COL18A1: variants seen among roughly 807,000 people sequenced by gnomAD.
The protein encoded by COL18A1 is collagen alpha-1(XVIII) chain.
A neutral mutation model predicts 168.0 loss-of-function variants in COL18A1; 133 were observed. The observed-to-expected ratio is 0.79, with a 90% CI of 0.69 to 0.91. The LOEUF (loss-of-function observed/expected upper bound fraction) is 0.91, where lower values mean the gene tolerates loss of function less well. Among genes scored for constraint, COL18A1 ranks in the 40% least tolerant of loss-of-function variants. COL18A1 has a pLI of 0.00. For synonymous variants in COL18A1, 949 were observed against 809.0 expected, an observed-to-expected ratio of 1.17 and a Z score of -2.94; for missense variants, 2,126 against 1,925.4, an observed-to-expected ratio of 1.10 and a Z score of -1.95.
chr21:45,465,435 G>A (rs758081854), intron 2 of COL18A1, among the ~76,000 whole-genome samples: 36 of 152,180 alleles, frequency 2.4e-4, no homozygotes, highest in Non-Finnish European at 4.6e-4. Flanking sequence ...TTCTGAGGCC[G>A]TTTTTCTTTG....
rs188894488 is a variant in COL18A1, at chr21:45,504,173, G to A, written c.2727+119G>A. ...CCCCTTCCTGTTCAGCCCTGCGAGG[G>A]GCGCTGGCTCCAGAGGGTGTCGAGG... On this transcript the variant is annotated intron_variant, in intron 33 of 41. Transcript: ENST00000651438. 1,144 of 1,222,954 alleles carry A rather than the reference G, an allele frequency of 9.4e-4. 1 individual carries two copies. The highest frequency in any genetic ancestry group is 4.1e-3 in the Middle Eastern group (16 of 3,856). 75.8% of individuals were successfully genotyped at this position (1,222,954 alleles called of 1,614,324 possible). A position where few individuals can be genotyped will look rare whatever the true frequency, so the allele number is the denominator to read the frequency against.
chr21:45,497,918 C>T, intron 32 of COL18A1: 1 of 607,806 alleles, frequency 1.6e-6, no homozygotes, highest in African/African-American at 1.8e-5. Context: ...GGCTGCCCTT[C>T]CATGCTAGAC....
intron 32 of COL18A1, among the ~76,000 whole-genome samples, chr21:45,503,684 C>T (rs1439554343): frequency 6.6e-6 from 1 of 150,546 alleles, no homozygotes; most frequent in Admixed American, 6.6e-5. Context: ...ATACCTAATG[C>T]TAGATGACGA....
At chr21:45,461,016 C>T (rs979491936) in intron 2 of COL18A1, among the ~76,000 whole-genome samples, 1 of 152,188 alleles carries the variant, frequency 6.6e-6, no homozygotes, top group Non-Finnish European at 1.5e-5. Context: ...TATCTAAGGT[C>T]AAGCTAGTGG....
chr21:45,500,197 AGTGT>A (rs1258202099), intron 32 of COL18A1, among the ~76,000 whole-genome samples: 192 of 27,598 alleles, frequency 7.0e-3, no homozygotes, highest in African/African-American at 0.032. Context: ...GTGTGTGTGG[AGTGT>A]GTGTGGCTGG....
intron 32 of COL18A1, 88 bp from the exon 33 acceptor site, chr21:45,503,923 G>A: frequency 6.8e-7 from 1 of 1,470,518 alleles, no homozygotes; most frequent in South Asian, 1.1e-5. Flanking sequence ...AGGGCCTCAG[G>A]CAAACCCACC....
Position 45,495,338 on chromosome 21 carries a change from C to A in COL18A1, c.2434-20C>A, listed in dbSNP as rs1341631094. The A allele has an allele frequency of 3.1e-6, 5 of 1,592,650 alleles. No individual in the cohort carries two copies. The highest frequency in any genetic ancestry group is 3.4e-5 in the Admixed American group (2 of 58,334). On this transcript the variant is annotated intron_variant, in intron 28 of 41. Transcript: ENST00000651438. ...AATCATCAGTGCCCAGCAGTCCCCA[C>A]CCCCTGTGCTCCGCCCCAGGGTCGC...
intron 14 of COL18A1, chr21:45,482,363 G>A (rs377457696): frequency 3.2e-5 from 21 of 666,068 alleles, no homozygotes; most frequent in African/African-American, 1.4e-4. Flanking sequence ...GGCCCCAGGC[G>A]TTTGTGGGTG....
chr21:45,405,425 G>C lies in COL18A1; in HGVS notation c.58G>C (p.Ala20Pro). 7.3e-7 allele frequency: 1 copy of C among 1,363,028 alleles called. No homozygotes were observed. Among genetic ancestry groups the C allele is most frequent in the Non-Finnish European group, 9.5e-7 (1 of 1,050,086 alleles). The allele number at this position is 1,363,028 out of a possible 1,614,324, so 84.4% of individuals were successfully genotyped here. ...PRRRRLLDVL[A>P]PLVLLLGVRA... ...GCGGCGGCGCCTCCTGGACGTGCTC[G>C]CGCCCCTGGTCCTGCTGCTCGGGGT... The change falls in exon 2 of 42, where the codon GCG (alanine) becomes CCG (proline). Residue 20 changes from alanine (A) to proline (P), a missense_variant. Physicochemically the swap from Ala to Pro is conservative, Grantham distance 27. Transcript: ENST00000651438.
At chr21:45,489,605 G>GA in intron 19 of COL18A1, 84 bp downstream of exon 19, 1 of 896,534 alleles carries the variant, frequency 1.1e-6, no homozygotes. Context: ...TCAGCTCGGG[G>GA]CGGCCTTCCC....
rs762688974 is a variant in COL18A1, at chr21:45,468,626, A to C, written c.491A>C (p.His164Pro). The C allele has an allele frequency of 1.2e-6, 2 of 1,614,030 alleles. No homozygotes were observed. The highest frequency in any genetic ancestry group is 1.1e-5 in the South Asian group (1 of 91,090). ...RLPAFVGQWTHLALSVAGGFV... is the reference protein window; with the variant it reads ...RLPAFVGQWTPLALSVAGGFV... Reference sequence around the variant, plus strand: ...CCCGCCTTCGTCGGCCAGTGGACACACTTAGCCCTCAGTGTGGCAGGTGGC... The same window carrying C: ...CCCGCCTTCGTCGGCCAGTGGACACCCTTAGCCCTCAGTGTGGCAGGTGGC... The change falls in exon 3 of 42, where the codon CAC becomes CCC. Residue 164 changes from histidine (H) to proline (P), a missense_variant. Physicochemically the swap from His to Pro is moderately conservative, Grantham distance 77 (BLOSUM62 -2). Transcript: ENST00000651438.
chr21:45,468,890 C>A, intron 3 of COL18A1, 104 bp downstream of exon 3: 1 of 1,219,134 alleles, frequency 8.2e-7, no homozygotes, highest in Non-Finnish European at 1.1e-6. Flanking sequence ...AAGAGGAGAG[C>A]CCCCACCCCA....
In COL18A1 at chr21:45,497,760, C is replaced by G. The variant is rs763130911; in HGVS notation, c.2683+99C>G. The G allele has an allele frequency of 1.1e-4, 165 of 1,497,530 alleles. 1 individual carries two copies. Among genetic ancestry groups the G allele is most frequent in the African/African-American group, 4.0e-4 (29 of 72,078 alleles). 92.8% of individuals were successfully genotyped at this position (1,497,530 alleles called of 1,614,324 possible). The stretch of plus-strand genomic sequence containing the variant: ...CGCCACCACAAGCAGGTCCTGGACC[C>G]TCACTGGGTGGTGACCACCTCACCC... On this transcript the variant is annotated intron_variant, in intron 32 of 41. Transcript: ENST00000651438.
At chr21:45,458,936 CTG>C (rs2034945169) in intron 2 of COL18A1, among the ~76,000 whole-genome samples, 1 of 152,202 alleles carries the variant, frequency 6.6e-6, no homozygotes, top group South Asian at 2.1e-4. Context: ...CCGAGTGGGG[CTG>C]TGAGGGCGAG....
At position 45,507,579 on chromosome 21, in the gene COL18A1, C is replaced by G. The variant is rs2037294586; in HGVS notation, c.3235C>G (p.Leu1079Val). 1 of 1,613,002 alleles carries G rather than the reference C, an allele frequency of 6.2e-7. No individual in the cohort carries two copies. The highest frequency in any genetic ancestry group is 8.5e-7 in the Non-Finnish European group (1 of 1,179,932). The change falls in exon 38 of 42, where the codon CTC (leucine) becomes GTC (valine). Residue 1079 changes from leucine to valine, a missense_variant. Physicochemically the swap from Leu to Val is conservative, Grantham distance 32. Transcript: ENST00000651438. ...CTTCCAGCTGGAGGCCCGGACACCA[C>G]TCCCACGAGGGACGGTAAGGAGCCT... ...RKVQLEARTP[L>V]PRGTDNEVAA... is the part of the protein sequence containing the mutation.
chr21:45,495,587 C>T, intron 29 of COL18A1, 155 bp downstream of exon 29: 1 of 626,896 alleles, frequency 1.6e-6, no homozygotes, highest in Admixed American at 2.4e-5. Flanking sequence ...TACCCATGCA[C>T]AGTCATACAT....
In COL18A1 at chr21:45,503,919, TCAGG is replaced by T. The variant is rs2037022746; in HGVS notation, c.2684-89_2684-86del. ...CTACCGCGAAATGGCTAGAAGGGCC[TCAGG>T]CAAACCCACCAGTGCTGGGGGCTGC... is the stretch of plus-strand genomic sequence containing the variant. On this transcript the variant is annotated intron_variant, in intron 32 of 41. Coordinates refer to ENST00000651438, the MANE Select transcript of COL18A1 (RefSeq NM_001379500.1). The T allele has an allele frequency of 7.8e-6, 11 of 1,417,656 alleles. No homozygotes were observed. In the South Asian group the frequency reaches 1.3e-4, roughly 16 times the overall value. The allele number at this position is 1,417,656 out of a possible 1,614,324, so 87.8% of individuals were successfully genotyped here.
chr21:45,445,596 G>A (rs530500235), intron 2 of COL18A1, among the ~76,000 whole-genome samples: 82 of 152,254 alleles, frequency 5.4e-4, no homozygotes, highest in African/African-American at 1.8e-3. Context: ...TTCTGATTTC[G>A]CCACATCTTT....
chr21:45,445,836 C>A lies in COL18A1; in HGVS notation c.107-22406C>A, dbSNP rs75972622. ...TTGATTTATGAGTTCTTTACATCAT[C>A]TAGATAGAAGTGCTTCCTCACATAT... On this transcript the variant is annotated intron_variant, in intron 2 of 41. Coordinates refer to ENST00000651438, the MANE Select transcript of COL18A1 (RefSeq NM_001379500.1). 9.1e-3 allele frequency among the ~76,000 whole-genome samples: 1,390 copies of A among 152,262 alleles called. 65 individuals are homozygous for A. The East Asian group carries it at 0.14, about 16-fold the overall frequency.
Sources: allele counts gnomAD v4.1 joint callset (sites outside exome capture counted in the v4.1 genomes callset), GRCh38; gene constraint gnomAD v4.1.1; transcripts MANE v1.5; gene names NCBI Gene and HGNC (gene_info 2026-07-23, HGNC 2026-07-21).